FILIP1L: variants seen among roughly 807,000 people sequenced by gnomAD.
The protein encoded by FILIP1L is filamin A interacting protein 1 like.
FILIP1L carries 55 observed loss-of-function variants against 96.6 expected under a neutral mutation model. The observed-to-expected ratio is 0.57, with a 90% CI of 0.46 to 0.71. FILIP1L has a LOEUF of 0.71. Among genes scored for constraint, FILIP1L ranks in the 30% least tolerant of loss-of-function variants. The pLI, the probability that FILIP1L is intolerant of heterozygous loss-of-function variation, is 0.00. For synonymous variants in FILIP1L, 467 were observed against 473.9 expected, an observed-to-expected ratio of 0.99 and a Z score of 0.19; for missense variants, 1,304 against 1,321.2, an observed-to-expected ratio of 0.99 and a Z score of 0.20.
rs780009633 is a variant in FILIP1L, at chr3:100,045,348, A to G, written c.-11+68705T>C. The stretch of plus-strand genomic sequence containing the variant: ...ATGTCTAGGAAAATCTCACAGCCTT[A>G]TTCTCTGAGTTAGCACTAATTGACA... On this transcript the variant is annotated intron_variant, in intron 1 of 5. Coordinates refer to ENST00000477258, the MANE Select transcript of FILIP1L (RefSeq NM_001387850.1). Among the ~76,000 whole-genome samples, 13 of 152,252 alleles carry G rather than the reference A, an allele frequency of 8.5e-5. 1 individual carries two copies. Among genetic ancestry groups the G allele is most frequent in the Non-Finnish European group, 1.5e-5 (1 of 68,032 alleles).
chr3:99,996,850 G>T (rs1408401302), intron 1 of FILIP1L, among the ~76,000 whole-genome samples: 1 of 151,622 alleles, frequency 6.6e-6, no homozygotes, highest in Non-Finnish European at 1.5e-5. Context: ...GGAATTATGG[G>T]AGTACAATTC....
At chr3:100,060,961 C>T (rs2065554556) in intron 1 of FILIP1L, among the ~76,000 whole-genome samples, 1 of 152,066 alleles carries the variant, frequency 6.6e-6, no homozygotes, top group African/African-American at 2.4e-5. Context: ...GTTGCAGAAC[C>T]ACATCCTCAT....
chr3:100,102,343 G>A (rs1195086635), intron 1 of FILIP1L, among the ~76,000 whole-genome samples: 1 of 152,056 alleles, frequency 6.6e-6, no homozygotes, highest in Non-Finnish European at 1.5e-5. Flanking sequence ...TCTCATTGTG[G>A]TTTTGATTTG....
At chr3:99,989,639 A>G (rs1709452388) in intron 1 of FILIP1L, among the ~76,000 whole-genome samples, 1 of 150,298 alleles carries the variant, frequency 6.7e-6, no homozygotes, top group African/African-American at 2.4e-5. Flanking sequence ...CAATTTTTTC[A>G]AAATACTCAA....
chr3:99,969,663 C>T (rs544428822), intron 1 of FILIP1L, among the ~76,000 whole-genome samples: 1 of 152,172 alleles, frequency 6.6e-6, no homozygotes, highest in East Asian at 1.9e-4. Context: ...CACGGGGAGC[C>T]TGGAAGGATC....
intron 4 of FILIP1L, among the ~76,000 whole-genome samples, chr3:99,904,601 C>CT (rs940411368): frequency 1.3e-4 from 19 of 151,882 alleles, no homozygotes; most frequent in East Asian, 9.7e-4. Flanking sequence ...TTACTTTTCT[C>CT]TTTTTTTTGT....
At chr3:99,878,952 C>T (rs1263563152) in intron 4 of FILIP1L, among the ~76,000 whole-genome samples, 1 of 152,110 alleles carries the variant, frequency 6.6e-6, no homozygotes, top group Non-Finnish European at 1.5e-5. Flanking sequence ...GTGAAATTCT[C>T]TTGGTTTCAT....
At chr3:99,929,242 G>T (rs1486583927) in intron 3 of FILIP1L, among the ~76,000 whole-genome samples, 16 of 152,242 alleles carry the variant, frequency 1.1e-4, no homozygotes, top group African/African-American at 1.7e-4. Context: ...TGGTGGCCCT[G>T]TTGGGACTGC....
chr3:99,856,427 T>C (rs1943969699), intron 4 of FILIP1L, among the ~76,000 whole-genome samples: 1 of 152,212 alleles, frequency 6.6e-6, no homozygotes. Flanking sequence ...CTTGGAGTAC[T>C]CATATTCATG....
intron 1 of FILIP1L, among the ~76,000 whole-genome samples, chr3:100,063,507 A>G (rs1376490974): frequency 6.6e-6 from 1 of 152,152 alleles, no homozygotes; most frequent in African/African-American, 2.4e-5. Flanking sequence ...AAAAAGAAAA[A>G]CTTTATAAAT....
chr3:100,091,076 G>A (rs946278895), intron 1 of FILIP1L, among the ~76,000 whole-genome samples: 3 of 152,130 alleles, frequency 2.0e-5, no homozygotes, highest in African/African-American at 7.2e-5. Flanking sequence ...ACGAGATCAG[G>A]AGATCGAGAC....
intron 1 of FILIP1L, among the ~76,000 whole-genome samples, chr3:100,048,459 C>T (rs987507245): frequency 6.6e-6 from 1 of 152,020 alleles, no homozygotes; most frequent in Non-Finnish European, 1.5e-5. Flanking sequence ...TGTGGCTAAC[C>T]GAGGCAAGCT....
chr3:99,840,624 G>T (rs986910981), intron 5 of FILIP1L, among the ~76,000 whole-genome samples: 1 of 152,144 alleles, frequency 6.6e-6, no homozygotes, highest in Non-Finnish European at 1.5e-5. Context: ...ACTCATGCAG[G>T]TTGTTGGCTT....
chr3:99,852,976 A>C (rs1943776865), intron 4 of FILIP1L, among the ~76,000 whole-genome samples: 1 of 152,172 alleles, frequency 6.6e-6, no homozygotes, highest in Admixed American at 6.5e-5. Context: ...TGGCTTATAA[A>C]ATTCAGAAGA....
At chr3:99,876,182 C>T in intron 4 of FILIP1L, 1 of 985,408 alleles carries the variant, frequency 1.0e-6, no homozygotes, top group African/African-American at 1.7e-5. Flanking sequence ...GCGAGCGGGG[C>T]GCTGAGCGCG....
At position 99,848,674 on chromosome 3, in the gene FILIP1L, G is replaced by T. The variant is rs201016244; in HGVS notation, c.3002C>A (p.Pro1001His). 31 of 1,614,172 alleles carry T rather than the reference G, an allele frequency of 1.9e-5. No individual in the cohort carries two copies. Among genetic ancestry groups the T allele is most frequent in the Non-Finnish European group, 2.5e-5 (30 of 1,180,028 alleles). Residue 1001 changes from proline (P) to histidine (H), a missense_variant, in exon 5 of 6, where the codon CCT becomes CAT. Transcript: ENST00000477258. The part of the protein sequence containing the change: ...GSLTPERTMS[P>H]IQVLAVTGSA... ...ACCAGTCACAGCCAAAACCTGAATAGGGGACATTGTCCTTTCTGGAGTTAG... is the reference window on the plus strand; with the variant it reads ...ACCAGTCACAGCCAAAACCTGAATATGGGACATTGTCCTTTCTGGAGTTAG...
intron 4 of FILIP1L, among the ~76,000 whole-genome samples, chr3:99,885,193 C>T (rs1705853792): frequency 1.3e-5 from 2 of 152,182 alleles, no homozygotes; most frequent in Non-Finnish European, 1.5e-5. Context: ...CAGAAGCAGC[C>T]TTCAGTTACC....
At chr3:99,940,692 G>A (rs1186963297) in intron 1 of FILIP1L, among the ~76,000 whole-genome samples, 8 of 152,130 alleles carry the variant, frequency 5.3e-5, no homozygotes, top group Non-Finnish European at 7.4e-5. Flanking sequence ...CAGAGAACCC[G>A]AAATTTCCTA....
At chr3:99,986,734 G>A (rs1709352792) in intron 1 of FILIP1L, among the ~76,000 whole-genome samples, 1 of 152,130 alleles carries the variant, frequency 6.6e-6, no homozygotes. Context: ...CTAAGCGGGG[G>A]ATTCTTTTGC....
Sources: gnomAD v4.1 joint callset for allele counts (sites outside exome capture counted in the v4.1 genomes callset) on GRCh38, gnomAD v4.1.1 for gene constraint, MANE v1.5 for transcripts, NCBI Gene and HGNC (gene_info 2026-07-23, HGNC 2026-07-21) for gene names.